DOCK4: variants seen among roughly 807,000 people sequenced by gnomAD.
The protein encoded by DOCK4 is dedicator of cytokinesis 4.
Under a neutral mutation model 268.1 loss-of-function variants are expected in DOCK4, and 97 were observed. The ratio of observed to expected loss-of-function variants is 0.36; its 90% CI spans 0.31 to 0.43. The LOEUF is 0.43. DOCK4 is among the 20% of genes least tolerant of loss of function. DOCK4 has a pLI of 1.00. For synonymous variants in DOCK4, 954 were observed against 887.2 expected, an observed-to-expected ratio of 1.08 and a Z score of -1.34; for missense variants, 2,145 against 2,455.7, an observed-to-expected ratio of 0.87 and a Z score of 2.67.
intron 1 of DOCK4, among the ~76,000 whole-genome samples, chr7:112,146,887 C>T (rs186822488): frequency 2.6e-4 from 40 of 152,130 alleles, no homozygotes; most frequent in Middle Eastern, 3.4e-3. Context: ...TATATTTTCT[C>T]TAAAGAAAGG....
At chr7:111,737,116 C>A in intron 49 of DOCK4, 127 bp from the exon 50 acceptor site, 1 of 702,614 alleles carries the variant, frequency 1.4e-6, no homozygotes, top group Non-Finnish European at 2.3e-6. Context: ...ATATGATGAG[C>A]CTAGGAACAA....
At chr7:111,879,839 T>C (rs1807231322) in intron 16 of DOCK4, among the ~76,000 whole-genome samples, 1 of 152,016 alleles carries the variant, frequency 6.6e-6, no homozygotes, top group South Asian at 2.1e-4. Context: ...AAGAAAGAAT[T>C]GGGAAGCTTG....
chr7:111,731,524 G>A (rs1490011106), intron 52 of DOCK4, among the ~76,000 whole-genome samples: 1 of 108,916 alleles, frequency 9.2e-6, no homozygotes, highest in East Asian at 2.8e-4. Flanking sequence ...AATCCTTGAA[G>A]CCGGTCTGAT....
chr7:111,882,361 T>C (rs1282628213), intron 16 of DOCK4, among the ~76,000 whole-genome samples: 1 of 152,182 alleles, frequency 6.6e-6, no homozygotes, highest in Non-Finnish European at 1.5e-5. Context: ...TTTATTTTAT[T>C]TTGGTTTATC....
intron 12 of DOCK4, among the ~76,000 whole-genome samples, chr7:111,920,290 A>G (rs919675494): frequency 3.3e-5 from 5 of 152,228 alleles, no homozygotes; most frequent in African/African-American, 9.6e-5. Flanking sequence ...AGTGGATTTT[A>G]AAATGTTCTC....
intron 12 of DOCK4, among the ~76,000 whole-genome samples, chr7:111,932,910 G>A (rs966830331): frequency 1.2e-4 from 18 of 151,916 alleles, no homozygotes; most frequent in African/African-American, 3.1e-4. Context: ...AAGAAACACC[G>A]AAAGGTTTAG....
chr7:111,726,718 T>C lies in DOCK4; in HGVS notation c.*1556A>G, dbSNP rs1293102076. On this transcript the variant is annotated 3_prime_UTR_variant, in exon 53 of 53. Transcript: ENST00000428084. Reference sequence around the variant, plus strand: ...TATTCTTTTTCCATACGTAAAGTATTTGGCATAATTATAACAATCATACTG... The same window carrying C: ...TATTCTTTTTCCATACGTAAAGTATCTGGCATAATTATAACAATCATACTG... 3 of 152,654 alleles carry C rather than the reference T, an allele frequency of 2.0e-5. No individual in the cohort carries two copies. Among genetic ancestry groups the C allele is most frequent in the Non-Finnish European group, 4.4e-5 (3 of 68,024 alleles). 9.5% of individuals were successfully genotyped at this position (152,654 alleles called of 1,614,324 possible).
chr7:112,162,114 C>T (rs562156380), intron 1 of DOCK4, among the ~76,000 whole-genome samples: 42 of 152,192 alleles, frequency 2.8e-4, no homozygotes, highest in Non-Finnish European at 5.0e-4. Context: ...TTTTATTTTG[C>T]GTATTCCCAA....
chr7:112,095,619 TTGTA>T (rs1810051529), intron 1 of DOCK4, among the ~76,000 whole-genome samples: 1 of 152,166 alleles, frequency 6.6e-6, no homozygotes, highest in Admixed American at 6.5e-5. Context: ...CTTGATATAC[TTGTA>T]TAAAGTTCAT....
At chr7:112,121,029 C>T (rs973695240) in intron 1 of DOCK4, among the ~76,000 whole-genome samples, 1 of 152,194 alleles carries the variant, frequency 6.6e-6, no homozygotes, top group Non-Finnish European at 1.5e-5. Flanking sequence ...TCTCAGTCAT[C>T]TTAGCATAAA....
chr7:111,730,940 C>T (rs2133363046), intron 52 of DOCK4, among the ~76,000 whole-genome samples: 1 of 152,278 alleles, frequency 6.6e-6, no homozygotes, highest in Admixed American at 6.5e-5. Context: ...TCTCTTAAGA[C>T]TTATTTTCTT....
intron 5 of DOCK4, among the ~76,000 whole-genome samples, chr7:111,990,798 A>G (rs1467788242): frequency 6.6e-6 from 1 of 152,172 alleles, no homozygotes; most frequent in Non-Finnish European, 1.5e-5. Context: ...CTCAATGTCC[A>G]TGTCCTCCCT....
At chr7:111,812,481 T>C (rs1801214641) in intron 27 of DOCK4, among the ~76,000 whole-genome samples, 1 of 152,134 alleles carries the variant, frequency 6.6e-6, no homozygotes, top group South Asian at 2.1e-4. Flanking sequence ...AGGTTCTCAC[T>C]CTGTTGACCA....
intron 26 of DOCK4, among the ~76,000 whole-genome samples, chr7:111,832,254 C>T (rs79841522): frequency 6.6e-6 from 1 of 152,272 alleles, no homozygotes; most frequent in African/African-American, 2.4e-5. Flanking sequence ...GCTGAGACCT[C>T]CCCTGGGAAG....
chr7:111,909,865 G>A (rs1434802943), intron 13 of DOCK4, among the ~76,000 whole-genome samples: 1 of 152,044 alleles, frequency 6.6e-6, no homozygotes, highest in Non-Finnish European at 1.5e-5. Context: ...AAGAGGCTAA[G>A]GCAGGAGAAT....
intron 44 of DOCK4, among the ~76,000 whole-genome samples, chr7:111,742,581 A>G (rs1227875017): frequency 1.3e-5 from 2 of 152,114 alleles, no homozygotes; most frequent in Non-Finnish European, 2.9e-5. Flanking sequence ...CTCTCCCACT[A>G]GGTTCCTCTG....
At chr7:111,777,830 C>T (rs941426175) in intron 36 of DOCK4, among the ~76,000 whole-genome samples, 3 of 152,132 alleles carry the variant, frequency 2.0e-5, no homozygotes, top group Admixed American at 1.3e-4. Flanking sequence ...TCTTGTCTGC[C>T]GCCATGTAAG....
intron 1 of DOCK4, among the ~76,000 whole-genome samples, chr7:112,193,620 T>C (rs563265007): frequency 7.0e-6 from 1 of 142,632 alleles, no homozygotes; most frequent in African/African-American, 2.6e-5. Flanking sequence ...AAAAAAATTC[T>C]AGCTCAATTA....
intron 2 of DOCK4, among the ~76,000 whole-genome samples, chr7:112,002,797 C>A (rs1050143866): frequency 6.6e-6 from 1 of 152,098 alleles, no homozygotes; most frequent in Non-Finnish European, 1.5e-5. Context: ...CACCTCTAAT[C>A]GCAGCACTTT....
Sources: allele counts gnomAD v4.1 joint callset (sites outside exome capture counted in the v4.1 genomes callset), GRCh38; gene constraint gnomAD v4.1.1; transcripts MANE v1.5; gene names NCBI Gene and HGNC (gene_info 2026-07-23, HGNC 2026-07-21).